TRPC6: variants seen among roughly 807,000 people sequenced by gnomAD.
TRPC6 encodes the protein short transient receptor potential channel 6.
Under a neutral mutation model 90.7 loss-of-function variants are expected in TRPC6, and 55 were observed. The ratio of observed to expected loss-of-function variants is 0.61; its 90% CI spans 0.49 to 0.76. The LOEUF is 0.76. Ranked by LOEUF, TRPC6 falls within the 30% of genes least tolerant of loss-of-function variation. TRPC6 has a pLI of 0.00. For synonymous variants in TRPC6, 393 were observed against 393.0 expected, an observed-to-expected ratio of 1.00 and a Z score of 0.00; for missense variants, 989 against 1,122.7, an observed-to-expected ratio of 0.88 and a Z score of 1.70.
At chr11:101,569,208 G>A (rs1441952962) in intron 1 of TRPC6, among the ~76,000 whole-genome samples, 1 of 151,650 alleles carries the variant, frequency 6.6e-6, no homozygotes, top group African/African-American at 2.4e-5. Context: ...AAAAAGCAGG[G>A]GTTGCAGTCC....
At chr11:101,497,058 T>C (rs1183609226) in intron 2 of TRPC6, among the ~76,000 whole-genome samples, 1 of 152,214 alleles carries the variant, frequency 6.6e-6, no homozygotes, top group Non-Finnish European at 1.5e-5. Flanking sequence ...TGCTAACCGA[T>C]GTAAAGAAAG....
Position 101,488,976 on chromosome 11 carries a change from G to T in TRPC6, c.1254C>A (p.Pro418=), listed in dbSNP as rs191073336. The T allele has an allele frequency of 1.2e-6, 2 of 1,614,034 alleles. No homozygotes were observed. The highest frequency in any genetic ancestry group is 1.7e-6 in the Non-Finnish European group (2 of 1,180,010). ...CAAACCAGTAAATGAGAGCCAGGAAGGGCAGTCCAATGGCAACAGCAAGGA... is the reference window on the plus strand; with the variant it reads ...CAAACCAGTAAATGAGAGCCAGGAATGGCAGTCCAATGGCAACAGCAAGGA... ...LVVLAVAIGL[P]FLALIYWFAP... is the part of the protein sequence containing the mutation. The change falls in exon 4 of 13, where the codon CCC becomes CCA. Residue 418 remains proline, a synonymous_variant. Transcript: ENST00000344327.
intron 7 of TRPC6, 33 bp from the exon 8 acceptor site, chr11:101,472,365 G>T (rs201524375): frequency 6.3e-7 from 1 of 1,585,430 alleles, no homozygotes; most frequent in South Asian, 1.1e-5. Flanking sequence ...AAAGAAATAA[G>T]AAAGTGTATA....
chr11:101,455,255 G>A lies in TRPC6; in HGVS notation c.2485-154C>T, dbSNP rs918871169. 4.7e-6 allele frequency: 3 copies of A among 640,010 alleles called. No homozygotes were observed. In the African/African-American group the frequency reaches 5.5e-5, roughly 12 times the overall value. The allele number at this position is 640,010 out of a possible 1,614,324, so 39.6% of individuals were successfully genotyped here. ...TCTTGCTTAGTATTCTGTCTTCCAA[G>A]ACAAATCAGTGACATTTTAGGTGTG... On this transcript the variant is annotated intron_variant, in intron 10 of 12. Transcript: ENST00000344327.
At chr11:101,490,568 A>G (rs1460571470) in intron 3 of TRPC6, among the ~76,000 whole-genome samples, 4 of 152,084 alleles carry the variant, frequency 2.6e-5, no homozygotes, top group Non-Finnish European at 5.9e-5. Flanking sequence ...TGATCCTCCC[A>G]CTGCAGTCTC....
intron 10 of TRPC6, among the ~76,000 whole-genome samples, chr11:101,458,030 A>G (rs1460805726): frequency 6.6e-6 from 1 of 152,202 alleles, no homozygotes; most frequent in Non-Finnish European, 1.5e-5. Context: ...ATCATAACTT[A>G]GCCTAGCTGA....
intron 3 of TRPC6, among the ~76,000 whole-genome samples, chr11:101,490,640 G>A (rs1859782866): frequency 6.6e-6 from 1 of 152,176 alleles, no homozygotes; most frequent in Admixed American, 6.5e-5. Flanking sequence ...AGTTTTAGTA[G>A]AGACGGGGTT....
At chr11:101,517,472 C>T (rs1350226855) in intron 1 of TRPC6, among the ~76,000 whole-genome samples, 1 of 152,172 alleles carries the variant, frequency 6.6e-6, no homozygotes, top group East Asian at 1.9e-4. Flanking sequence ...CTGCCGAAGG[C>T]TCATGTTTCC....
chr11:101,578,520 T>C (rs1246711728), intron 1 of TRPC6, among the ~76,000 whole-genome samples: 1 of 152,206 alleles, frequency 6.6e-6, no homozygotes, highest in African/African-American at 2.4e-5. Context: ...ACTCTGGATC[T>C]TATTTTCATA....
intron 1 of TRPC6, among the ~76,000 whole-genome samples, chr11:101,575,881 C>G (rs942371300): frequency 6.6e-6 from 1 of 152,104 alleles, no homozygotes; most frequent in African/African-American, 2.4e-5. Context: ...TCAGAGCCAA[C>G]GTGTGGCTTT....
intron 4 of TRPC6, among the ~76,000 whole-genome samples, chr11:101,485,398 T>A (rs12801419): frequency 0.083 from 12,594 of 152,208 alleles, 717 homozygotes; most frequent in Middle Eastern, 0.13. Context: ...TATTTTTCTT[T>A]TTAAATATAA....
chr11:101,504,719 G>T lies in TRPC6; in HGVS notation c.250C>A (p.Pro84Thr), dbSNP rs202083439. 1.9e-6 allele frequency: 3 copies of T among 1,593,904 alleles called. No individual in the cohort carries two copies. The highest frequency in any genetic ancestry group is 1.7e-6 in the Non-Finnish European group (2 of 1,169,112). The stretch of plus-strand genomic sequence containing the variant: ...GAGCGATCACTAAACATGTATGCTG[G>T]TCCTCGATTAGCTAACCTTCTCCCC... ...EKGRRLANRGPAYMFSDRSTS... is the reference protein window; with the variant it reads ...EKGRRLANRGTAYMFSDRSTS... Residue 84 changes from proline to threonine, a missense_variant, in exon 2 of 13, where the codon CCA (proline) becomes ACA (threonine). Coordinates refer to ENST00000344327, the MANE Select transcript of TRPC6 (RefSeq NM_004621.6).
intron 1 of TRPC6, among the ~76,000 whole-genome samples, chr11:101,557,410 A>G (rs1861585219): frequency 6.6e-6 from 1 of 152,148 alleles, no homozygotes; most frequent in Non-Finnish European, 1.5e-5. Context: ...ATTATACTCA[A>G]TGGTGAAAAT....
chr11:101,508,611 T>C (rs780485013), intron 1 of TRPC6, among the ~76,000 whole-genome samples: 3 of 152,074 alleles, frequency 2.0e-5, no homozygotes, highest in Non-Finnish European at 4.4e-5. Flanking sequence ...TTGCTTTGCG[T>C]AGTTTCTATT....
chr11:101,562,981 C>A (rs114403792), intron 1 of TRPC6, among the ~76,000 whole-genome samples: 1 of 152,094 alleles, frequency 6.6e-6, no homozygotes, highest in Non-Finnish European at 1.5e-5. Flanking sequence ...TCTTCATTAG[C>A]GTTTCTTCTG....
At chr11:101,556,768 G>T (rs925913068) in intron 1 of TRPC6, among the ~76,000 whole-genome samples, 10 of 152,004 alleles carry the variant, frequency 6.6e-5, no homozygotes, top group African/African-American at 2.2e-4. Flanking sequence ...AAAACTATAG[G>T]CCAGTACCCT....
In TRPC6 at chr11:101,524,950, C is replaced by T. The variant is rs143279073; in HGVS notation, c.171-20152G>A. 6.5e-3 allele frequency among the ~76,000 whole-genome samples: 984 copies of T among 152,280 alleles called. 10 individuals are homozygous for T. Among genetic ancestry groups the T allele is most frequent in the African/African-American group, 0.022 (934 of 41,560 alleles). On this transcript the variant is annotated intron_variant, in intron 1 of 12. Coordinates refer to ENST00000344327, the MANE Select transcript of TRPC6 (RefSeq NM_004621.6). ...TTCCAACTATTTCTCCATTTCTATG[C>T]CTTAGAAATAAAGTAGCAACAATCA...
intron 1 of TRPC6, among the ~76,000 whole-genome samples, chr11:101,548,579 T>A (rs1164206786): frequency 8.3e-5 from 12 of 143,858 alleles, no homozygotes; most frequent in Non-Finnish European, 1.2e-4. Flanking sequence ...AAAGTAAGAA[T>A]CCAATTCTAT....
intron 1 of TRPC6, among the ~76,000 whole-genome samples, chr11:101,509,325 G>T (rs1330486172): frequency 6.6e-6 from 1 of 151,526 alleles, no homozygotes; most frequent in Non-Finnish European, 1.5e-5. Flanking sequence ...TATCAAACTC[G>T]TGGGCTCAAG....
Sources: gnomAD v4.1 joint callset for allele counts (sites outside exome capture counted in the v4.1 genomes callset) on GRCh38, gnomAD v4.1.1 for gene constraint, MANE v1.5 for transcripts, NCBI Gene and HGNC (gene_info 2026-07-23, HGNC 2026-07-21) for gene names.